SPTBN4: variants seen among roughly 807,000 people sequenced by gnomAD.
SPTBN4 encodes spectrin beta chain, non-erythrocytic 4.
A neutral mutation model predicts 277.8 loss-of-function variants in SPTBN4; 96 were observed. The ratio of observed to expected loss-of-function variants is 0.35; its 90% confidence interval spans 0.29 to 0.41. The LOEUF (loss-of-function observed/expected upper bound fraction) is 0.41. SPTBN4 is among the 10% of genes least tolerant of loss of function. The pLI, the probability that SPTBN4 is intolerant of heterozygous loss-of-function variation, is 1.00. For missense variants in SPTBN4, 3,006 were observed against 3,595.7 expected (o/e 0.84, Z 4.19); for synonymous variants, 1,481 against 1,580.3 (o/e 0.94, Z 1.49).
intron 18 of SPTBN4, 56 bp from the exon 19 acceptor site, chr19:40,532,569 G>A (rs965353249): frequency 3.1e-5 from 49 of 1,572,976 alleles, no homozygotes; most frequent in Non-Finnish European, 4.0e-5. Flanking sequence ...TGAAGGGATG[G>A]GGGGCTGTGG....
intron 20 of SPTBN4, among the ~76,000 whole-genome samples, chr19:40,536,833 T>A (rs2080742794): frequency 1.3e-5 from 2 of 152,148 alleles, no homozygotes; most frequent in Non-Finnish European, 2.9e-5. Flanking sequence ...GTTAGCAGGC[T>A]GGACTGCAGT....
At chr19:40,529,791 G>C (rs1410158640) in intron 18 of SPTBN4, among the ~76,000 whole-genome samples, 2 of 152,046 alleles carry the variant, frequency 1.3e-5, no homozygotes, top group African/African-American at 2.4e-5. Context: ...GCTAGGCCTG[G>C]CCCTGAGCCC....
chr19:40,531,483 T>G (rs76054261), intron 18 of SPTBN4, among the ~76,000 whole-genome samples: 6 of 123,890 alleles, frequency 4.8e-5, no homozygotes, highest in East Asian at 2.2e-4. Flanking sequence ...TTTTTTTTTT[T>G]TTTTTTTTTT....
rs1449575457 is a variant in SPTBN4 at position 40,575,716 on chromosome 19, TCTC to T, written c.*150_*152del. The stretch of plus-strand genomic sequence containing the variant: ...GGTGGGCACCGGAAAGGAGGGGACT[TCTC>T]CTGCACCCCAAGAAGTGGTGGGGAG... On this transcript the variant is annotated 3_prime_UTR_variant, in exon 36 of 36. Coordinates refer to ENST00000598249, the MANE Select transcript of SPTBN4 (RefSeq NM_020971.3). The T allele has an allele frequency of 2.9e-6, 3 of 1,022,100 alleles. No homozygotes were observed. The highest frequency in any genetic ancestry group is 4.1e-6 in the Non-Finnish European group (3 of 730,142). 63.3% of individuals were successfully genotyped at this position (1,022,100 alleles called of 1,614,324 possible).
At chr19:40,476,367 A>G (rs1028947734) in intron 2 of SPTBN4, among the ~76,000 whole-genome samples, 6 of 149,206 alleles carry the variant, frequency 4.0e-5, no homozygotes, top group Non-Finnish European at 4.5e-5. Context: ...AAAAAAAGAG[A>G]GAGAGAGAGA....
rs1599811937 is a variant in SPTBN4 at position 40,560,644 on chromosome 19, A to G, written c.5915+241A>G. ...CCGCTGTCCTTCCCAGTTGCCTATT[A>G]TTACCCTCTCCATGGGATGTCACAG... On this transcript the variant is annotated intron_variant, in intron 27 of 35. Coordinates refer to ENST00000598249, the MANE Select transcript of SPTBN4 (RefSeq NM_020971.3). The surrounding 1 kb of genome is among the most constrained non-coding windows in gnomAD (Gnocchi z 5.2). 7.0e-7 allele frequency: 1 copy of G among 1,431,984 alleles called. No homozygotes were observed. Among genetic ancestry groups the G allele is most frequent in the Non-Finnish European group, 9.1e-7 (1 of 1,096,668 alleles). 88.7% of individuals were successfully genotyped at this position (1,431,984 alleles called of 1,614,324 possible).
chr19:40,529,475 G>A (rs1370705601), intron 18 of SPTBN4, among the ~76,000 whole-genome samples: 1 of 152,208 alleles, frequency 6.6e-6, no homozygotes, highest in Non-Finnish European at 1.5e-5. Flanking sequence ...GCGGGCGGTG[G>A]GGATAAGGGC....
In SPTBN4 at chr19:40,560,648, C is replaced by G; in HGVS notation, c.5915+245C>G. The G allele has an allele frequency of 7.0e-7, 1 of 1,431,600 alleles. No individual in the cohort carries two copies. Among genetic ancestry groups the G allele is most frequent in the Non-Finnish European group, 9.1e-7 (1 of 1,096,446 alleles). The allele number at this position is 1,431,600 out of a possible 1,614,324, so 88.7% of individuals were successfully genotyped here. A position where few individuals can be genotyped will look rare whatever the true frequency, so the allele number is the denominator to read the frequency against. ...TGTCCTTCCCAGTTGCCTATTATTA[C>G]CCTCTCCATGGGATGTCACAGCATG... On this transcript the variant is annotated intron_variant, in intron 27 of 35. Coordinates refer to ENST00000598249, the MANE Select transcript of SPTBN4 (RefSeq NM_020971.3). This position sits in a 1 kb window ranked among gnomAD's most constrained non-coding sequence, Gnocchi z 5.2.
Position 40,567,695 on chromosome 19 carries a change from G to A in SPTBN4, c.6369G>A (p.Gln2123=). Residue 2123 remains glutamine, a synonymous_variant, in exon 31 of 36, where the codon CAG becomes CAA. Transcript: ENST00000598249. ...IEKIKAEQSK[Q]PPTPLLGRKF... is the part of the protein sequence containing the mutation. ...AAATCAAAGCGGAACAGAGCAAGCAGCCGCCTACCCCACTGCTGGGGCGCA... is the reference window on the plus strand; with the variant it reads ...AAATCAAAGCGGAACAGAGCAAGCAACCGCCTACCCCACTGCTGGGGCGCA... 1.3e-6 allele frequency: 2 copies of A among 1,542,122 alleles called. No individual in the cohort carries two copies. Among genetic ancestry groups the A allele is most frequent in the Admixed American group, 2.0e-5 (1 of 51,256 alleles).
In SPTBN4 at chr19:40,512,730, G is replaced by C. The variant is rs1190985108; in HGVS notation, c.1941G>C (p.Trp647Cys). The change falls in exon 14 of 36, where the codon TGG becomes TGC. Residue 647 changes from tryptophan to cysteine, a missense_variant. This residue lies in a region of SPTBN4 where 1,759 missense variants were observed against 2,061.5 expected (regional missense o/e 0.85). Transcript: ENST00000598249. ...RAELEASRSL[W>C]ALLQELEEAE... is the part of the protein sequence containing the mutation. ...AGCTGGAGGCTTCGCGGAGCCTGTG[G>C]GCGCTGCTGCAGGAGCTGGAGGAGG... 1.3e-6 allele frequency: 2 copies of C among 1,523,756 alleles called. No individual in the cohort carries two copies. The highest frequency in any genetic ancestry group is 1.8e-6 in the Non-Finnish European group (2 of 1,142,662). The allele number at this position is 1,523,756 out of a possible 1,614,324, so 94.4% of individuals were successfully genotyped here.
At chr19:40,478,773 C>T (rs2079976726) in intron 2 of SPTBN4, among the ~76,000 whole-genome samples, 1 of 152,182 alleles carries the variant, frequency 6.6e-6, no homozygotes, top group African/African-American at 2.4e-5. Flanking sequence ...TCTTCAACTC[C>T]TGACCTCAAG....
At chr19:40,543,844 C>T (rs1386335281) in intron 20 of SPTBN4, among the ~76,000 whole-genome samples, 1 of 152,102 alleles carries the variant, frequency 6.6e-6, no homozygotes, top group African/African-American at 2.4e-5. Context: ...TACAAGTGTA[C>T]CTATATGGAT....
intron 29 of SPTBN4, 86 bp downstream of exon 29, chr19:40,565,831 C>T (rs971650263): frequency 5.7e-6 from 8 of 1,403,684 alleles, no homozygotes; most frequent in Non-Finnish European, 7.8e-6. Context: ...GTGACAGGAG[C>T]ATGCTTTGCA....
chr19:40,484,406 A>C (rs1489485086), intron 2 of SPTBN4, among the ~76,000 whole-genome samples: 1 of 152,194 alleles, frequency 6.6e-6, no homozygotes, highest in South Asian at 2.1e-4. Flanking sequence ...TAAGCTGCCA[A>C]CAAATCGACT....
chr19:40,513,510 G>A lies in SPTBN4; in HGVS notation c.2721G>A (p.Met907Ile). Residue 907 changes from methionine to isoleucine, a missense_variant, in exon 14 of 36, where the codon ATG becomes ATA. Physicochemically the swap from Met to Ile is conservative, Grantham distance 10. Transcript: ENST00000598249. ...AGAAGGAGCAATGGCTGCTCTCCATGCGTGTGCCGGATTCACTCGACGACG... is the reference window on the plus strand; with the variant it reads ...AGAAGGAGCAATGGCTGCTCTCCATACGTGTGCCGGATTCACTCGACGACG... ...IGEKEQWLLS[M>I]RVPDSLDDVE... 6.3e-7 allele frequency: 1 copy of A among 1,596,476 alleles called. No homozygotes were observed. Among genetic ancestry groups the A allele is most frequent in the Non-Finnish European group, 8.5e-7 (1 of 1,176,576 alleles).
chr19:40,541,012 G>C (rs1372817868), intron 20 of SPTBN4, among the ~76,000 whole-genome samples: 1 of 152,072 alleles, frequency 6.6e-6, no homozygotes, highest in Admixed American at 6.6e-5. Flanking sequence ...GCCAACACTT[G>C]GTTTTGTCAG....
chr19:40,534,199 G>A lies in SPTBN4; in HGVS notation c.4215G>A (p.Gln1405=), dbSNP rs1384350920. Residue 1405 remains glutamine, a synonymous_variant, in exon 20 of 36, where the codon CAG becomes CAA. Coordinates refer to ENST00000598249, the MANE Select transcript of SPTBN4 (RefSeq NM_020971.3). ...GCACCACCCAGGCCAAGGCACGGCA[G>A]CTCTTTGAGGCCAGCAAAGCAGACC... ...LESTTQAKAR[Q]LFEASKADQL... The A allele has an allele frequency of 6.2e-7, 1 of 1,613,848 alleles. No homozygotes were observed. Among genetic ancestry groups the A allele is most frequent in the Admixed American group, 1.7e-5 (1 of 59,990 alleles).
chr19:40,502,673 G>T lies in SPTBN4; in HGVS notation c.1204-102G>T. The T allele has an allele frequency of 1.3e-6, 2 of 1,513,766 alleles. No individual in the cohort carries two copies. Among genetic ancestry groups the T allele is most frequent in the Non-Finnish European group, 8.9e-7 (1 of 1,126,596 alleles). 93.8% of individuals were successfully genotyped at this position (1,513,766 alleles called of 1,614,324 possible). On this transcript the variant is annotated intron_variant, in intron 10 of 35. Coordinates refer to ENST00000598249, the MANE Select transcript of SPTBN4 (RefSeq NM_020971.3). The surrounding 1 kb of genome is among the most constrained non-coding windows in gnomAD (Gnocchi z 4.9). ...AAGGAAGCAATATTTTTTCCAATTT[G>T]CATGAAGTTGCCATAATGCTATGAG...
At chr19:40,558,167 G>A (rs1417955548) in intron 26 of SPTBN4, among the ~76,000 whole-genome samples, 3 of 151,738 alleles carry the variant, frequency 2.0e-5, no homozygotes, top group Admixed American at 6.6e-5. Context: ...AGACCAGTCT[G>A]ACCAACATGA....
Sources: gnomAD v4.1 joint callset for allele counts (sites outside exome capture counted in the v4.1 genomes callset) on GRCh38, gnomAD v4.1.1 for gene constraint, gnomAD v4.1.1 regional missense constraint, Gnocchi (gnomAD v3.1) non-coding constraint, MANE v1.5 for transcripts, NCBI Gene and HGNC (gene_info 2026-07-23, HGNC 2026-07-21) for gene names.